The following STK3 variants were observed in gnomAD, a reference collection of about 807,000 sequenced individuals.
The protein encoded by STK3 is serine/threonine kinase 3, also known as serine/threonine-protein kinase 3.
In STK3, 41 loss-of-function variants were observed where a neutral mutation model predicts 58.0. That is an observed-to-expected ratio of 0.71 (90% CI 0.55 to 0.92). The LOEUF (loss-of-function observed/expected upper bound fraction) is 0.92. Ranked by LOEUF, STK3 falls within the 40% of genes least tolerant of loss-of-function variation. STK3 has a pLI of 0.00. For missense variants in STK3, 479 were observed against 602.7 expected (o/e 0.79, Z 2.15); for synonymous variants, 170 against 191.0 (o/e 0.89, Z 0.91).
At chr8:98,443,006 A>T (rs1267986090) in intron 1 of STK3, among the ~76,000 whole-genome samples, 1 of 147,852 alleles carries the variant, frequency 6.8e-6, no homozygotes, top group Non-Finnish European at 1.5e-5. Flanking sequence ...AAAAAAAAAC[A>T]ACAAAAAACC....
At chr8:98,568,980 A>G (rs1812734025) in intron 8 of STK3, among the ~76,000 whole-genome samples, 1 of 152,176 alleles carries the variant, frequency 6.6e-6, no homozygotes, top group Non-Finnish European at 1.5e-5. Flanking sequence ...TGGGGAAAAG[A>G]TGTATACCAA....
At chr8:98,906,360 A>T (rs1334687481) in intron 1 of STK3, 1 of 152,556 alleles carries the variant, frequency 6.6e-6, no homozygotes, top group African/African-American at 2.4e-5. Context: ...GGAAGGCCTC[A>T]GCCCTGTGCA....
At position 98,548,083 on chromosome 8, in the gene STK3, T is replaced by C. The variant is rs370561303; in HGVS notation, c.1027A>G (p.Met343Val). ...SVGTMRATSTMSEGAQTMIEH... is the reference protein window; with the variant it reads ...SVGTMRATSTVSEGAQTMIEH... ...ATCATGGTCTGGGCCCCTTCACTCA[T>C]CGTGCTTGTGGCCCGCATGGTGCCC... Residue 343 changes from methionine to valine, a missense_variant, in exon 9 of 11, where the codon ATG becomes GTG. By Grantham distance (21) the Met-to-Val change is conservative. Coordinates refer to ENST00000419617, the MANE Select transcript of STK3 (RefSeq NM_006281.4). 1.2e-5 allele frequency: 19 copies of C among 1,609,568 alleles called. No individual in the cohort carries two copies. The highest frequency in any genetic ancestry group is 1.6e-5 in the Non-Finnish European group (19 of 1,178,038).
chr8:98,782,910 A>C (rs1408637332), intron 1 of STK3, among the ~76,000 whole-genome samples: 11 of 152,044 alleles, frequency 7.2e-5, no homozygotes, highest in Non-Finnish European at 1.6e-4. Flanking sequence ...GAAAGGAAGG[A>C]GGGAAATAAG....
chr8:98,443,374 T>G (rs1818770391), intron 1 of STK3, among the ~76,000 whole-genome samples: 1 of 152,248 alleles, frequency 6.6e-6, no homozygotes, highest in African/African-American at 2.4e-5. Context: ...GAATGGCAGT[T>G]TGTTTCCAGT....
intron 10 of STK3, among the ~76,000 whole-genome samples, chr8:98,497,488 A>T (rs1360899366): frequency 6.6e-6 from 1 of 152,218 alleles, no homozygotes; most frequent in Non-Finnish European, 1.5e-5. Context: ...AAAGGACACC[A>T]TCAAGACAGT....
At chr8:98,548,939 T>C (rs2131587124) in intron 8 of STK3, among the ~76,000 whole-genome samples, 1 of 152,280 alleles carries the variant, frequency 6.6e-6, no homozygotes, top group Admixed American at 6.5e-5. Flanking sequence ...GTAGAAAAAT[T>C]TCATTCCTTT....
intron 6 of STK3, among the ~76,000 whole-genome samples, chr8:98,604,920 C>A (rs1187889438): frequency 1.3e-5 from 2 of 152,196 alleles, no homozygotes; most frequent in African/African-American, 4.8e-5. Flanking sequence ...TCATCAGTCT[C>A]AAGTTCAAAG....
chr8:98,429,629 G>C, intron 3 of STK3: 1 of 532,070 alleles, frequency 1.9e-6, no homozygotes, highest in Non-Finnish European at 3.4e-6. Context: ...TCCATGAAAT[G>C]ACACTCACTG....
At chr8:98,860,989 G>A (rs1836914243) in intron 3 of STK3, among the ~76,000 whole-genome samples, 1 of 152,122 alleles carries the variant, frequency 6.6e-6, no homozygotes, top group East Asian at 1.9e-4. Context: ...GAACCCAGGA[G>A]GTGGAGGTTG....
intron 6 of STK3, among the ~76,000 whole-genome samples, chr8:98,697,017 T>A (rs1487806524): frequency 5.3e-5 from 8 of 152,364 alleles, no homozygotes; most frequent in African/African-American, 1.9e-4. Flanking sequence ...AGCTATTGAC[T>A]ATTGCCACAA....
chr8:98,446,726 C>A (rs980170780), intron 1 of STK3, among the ~76,000 whole-genome samples: 2 of 152,148 alleles, frequency 1.3e-5, no homozygotes, highest in Non-Finnish European at 2.9e-5. Flanking sequence ...ACCCAGCAAT[C>A]CCATTACTGG....
At chr8:98,711,468 C>A (rs972744552) in intron 4 of STK3, among the ~76,000 whole-genome samples, 1 of 152,030 alleles carries the variant, frequency 6.6e-6, no homozygotes, top group Non-Finnish European at 1.5e-5. Flanking sequence ...AACCAAGGCA[C>A]GAGAACTACG....
At chr8:98,618,878 G>A (rs895489617) in intron 6 of STK3, among the ~76,000 whole-genome samples, 4 of 150,618 alleles carry the variant, frequency 2.7e-5, no homozygotes, top group Non-Finnish European at 5.9e-5. Flanking sequence ...TCGTGAAAAA[G>A]GCCATACTGC....
chr8:98,515,790 T>A (rs1357841233), intron 10 of STK3, among the ~76,000 whole-genome samples: 1 of 151,996 alleles, frequency 6.6e-6, no homozygotes, highest in Non-Finnish European at 1.5e-5. Flanking sequence ...TTTTCTTTTT[T>A]AAAATTTTAT....
chr8:98,883,463 A>G (rs2131902841), downstream of STK3: 5 of 549,562 alleles, frequency 9.1e-6, no homozygotes, highest in South Asian at 1.2e-4. Flanking sequence ...CTCTTGGGCT[A>G]AAATATCTGC....
intron 3 of STK3, among the ~76,000 whole-genome samples, chr8:98,409,437 ACTTCT>A (rs1458068761): frequency 6.6e-6 from 1 of 151,992 alleles, no homozygotes; most frequent in East Asian, 1.9e-4. Context: ...TTCAGTCTCT[ACTTCT>A]CTTCCTTCCC....
chr8:98,708,545 T>G (rs1424608264), intron 4 of STK3, among the ~76,000 whole-genome samples: 1 of 150,516 alleles, frequency 6.6e-6, no homozygotes, highest in Non-Finnish European at 1.5e-5. Context: ...AAGGGGAGAG[T>G]AGAGAAGGCC....
chr8:98,599,420 T>C (rs540183797), intron 6 of STK3, among the ~76,000 whole-genome samples: 2 of 152,098 alleles, frequency 1.3e-5, no homozygotes, highest in East Asian at 1.9e-4. Context: ...AATCACTACC[T>C]GACTGTGTGG....
Sources: gnomAD v4.1 joint callset for allele counts (sites outside exome capture counted in the v4.1 genomes callset) on GRCh38, gnomAD v4.1.1 for gene constraint, MANE v1.5 for transcripts, NCBI Gene and HGNC (gene_info 2026-07-23, HGNC 2026-07-21) for gene names.